GLB1: variants seen among roughly 807,000 people sequenced by gnomAD.
The protein encoded by GLB1 is beta-galactosidase.
Under a neutral mutation model 74.0 loss-of-function variants are expected in GLB1, and 56 were observed. That is an observed-to-expected ratio of 0.76 (90% CI 0.61 to 0.94). The LOEUF is 0.94. Ranked by LOEUF, GLB1 falls within the 40% of genes least tolerant of loss-of-function variation. The probability of loss-of-function intolerance (pLI) is 0.00; values close to 1 mark genes in which losing one functional copy is unlikely to be tolerated. For missense variants in GLB1, 787 were observed against 845.5 expected (o/e 0.93, Z 0.86); for synonymous variants, 323 against 323.6 (o/e 1.00, Z 0.02).
At chr3:32,981,406 AAAAAAAAAAAG>A in the GLB1 span, among the ~76,000 whole-genome samples, 2 of 147,836 alleles carry the variant, frequency 1.4e-5, no homozygotes, top group Non-Finnish European at 3.0e-5. Flanking sequence ...TCTCAAAAAA[AAAAAAAAAAAG>A]AAAAAGAAAA....
intron 1 of GLB1, among the ~76,000 whole-genome samples, chr3:33,074,381 G>GAAAGAAAGAAAGAAAGAAAGA (rs1559412918): frequency 0.012 from 111 of 9,482 alleles, 13 homozygotes; most frequent in Non-Finnish European, 0.019. Context: ...AGGAAGGAAG[G>GAAAGAAAGAAAGAAAGAAAGA]AAGGAAGGAA....
intron 15 of GLB1, among the ~76,000 whole-genome samples, chr3:33,003,249 C>A (rs1188671134): frequency 6.6e-6 from 1 of 152,192 alleles, no homozygotes; most frequent in Non-Finnish European, 1.5e-5. Flanking sequence ...AATAAAAATT[C>A]TTTTTCCTTC....
At chr3:33,007,150 T>C (rs1696822298) in intron 15 of GLB1, among the ~76,000 whole-genome samples, 1 of 152,218 alleles carries the variant, frequency 6.6e-6, no homozygotes, top group Admixed American at 6.5e-5. Context: ...AGGATGTGTG[T>C]GTACCCTTGG....
At chr3:33,011,556 A>G (rs912369580) in intron 15 of GLB1, among the ~76,000 whole-genome samples, 1 of 150,594 alleles carries the variant, frequency 6.6e-6, no homozygotes, top group Non-Finnish European at 1.5e-5. Context: ...GAGGCAGGAG[A>G]ATTGCTTGAG....
At chr3:33,083,005 C>A (rs916657414) in intron 1 of GLB1, among the ~76,000 whole-genome samples, 3 of 152,094 alleles carry the variant, frequency 2.0e-5, no homozygotes, top group Admixed American at 6.6e-5. Context: ...TTCATGGACC[C>A]AAGATGACCC....
chr3:33,034,200 C>G, intron 10 of GLB1: 1 of 637,520 alleles, frequency 1.6e-6, no homozygotes, highest in South Asian at 1.7e-5. Context: ...TGCTAGGTCC[C>G]CCATGACTAC....
intron 7 of GLB1, 121 bp downstream of exon 7, chr3:33,053,370 A>T (rs1699078346): frequency 7.1e-7 from 1 of 1,404,894 alleles, no homozygotes; most frequent in Admixed American, 1.8e-5. Context: ...CTATGACTCC[A>T]CAATCCCATT....
chr3:33,086,067 G>A (rs944090910), intron 1 of GLB1, among the ~76,000 whole-genome samples: 5 of 152,044 alleles, frequency 3.3e-5, no homozygotes, highest in African/African-American at 7.2e-5. Flanking sequence ...AACAGAGCAA[G>A]ACTAAGACTC....
In GLB1 at chr3:33,046,027, G is replaced by A. The variant is rs545894351; in HGVS notation, c.1068+93C>T. On this transcript the variant is annotated intron_variant, in intron 10 of 15. Coordinates refer to ENST00000307363, the MANE Select transcript of GLB1 (RefSeq NM_000404.4). The stretch of plus-strand genomic sequence containing the variant: ...CTTCATCCATCCTTTTAAACAGGAG[G>A]GCTCCAGGCAGGAAGTTGTCCACAG... The A allele has an allele frequency of 1.1e-4, 155 of 1,460,254 alleles. 1 individual carries two copies. In the African/African-American group the frequency reaches 2.0e-3, roughly 19 times the overall value. 90.5% of individuals were successfully genotyped at this position (1,460,254 alleles called of 1,614,324 possible).
chr3:33,045,310 A>G, intron 10 of GLB1: 5 of 950,732 alleles, frequency 5.3e-6, no homozygotes, highest in Non-Finnish European at 6.3e-6. Context: ...AAGAAAACAA[A>G]CATTTATTGA....
At chr3:33,077,643 T>C (rs1483684633) in intron 1 of GLB1, among the ~76,000 whole-genome samples, 2 of 152,146 alleles carry the variant, frequency 1.3e-5, no homozygotes, top group Non-Finnish European at 2.9e-5. Context: ...CATTCCTTTA[T>C]TGTACATAAA....
intron 10 of GLB1, among the ~76,000 whole-genome samples, chr3:33,025,777 G>A (rs1697719199): frequency 2.0e-5 from 3 of 152,166 alleles, no homozygotes; most frequent in Admixed American, 1.3e-4. Context: ...CAGTAGTGGC[G>A]GCGGAGAGGA....
Position 32,998,626 on chromosome 3 carries a change from A to G in GLB1, c.1735-1282T>C, listed in dbSNP as rs186289293. Among the ~76,000 whole-genome samples, 21 of 152,266 alleles carry G rather than the reference A, an allele frequency of 1.4e-4. No individual in the cohort carries two copies. The East Asian group carries it at 4.0e-3, about 29-fold the overall frequency. On this transcript the variant is annotated intron_variant, in intron 15 of 15. Coordinates refer to ENST00000307363, the MANE Select transcript of GLB1 (RefSeq NM_000404.4). The stretch of plus-strand genomic sequence containing the variant: ...AAGTGAAGATGGGGAGATCACATAC[A>G]CGCAAAAGAAAGAGAAAATCTGGGA...
chr3:33,091,887 A>G (rs1700778722), intron 1 of GLB1: 5 of 985,302 alleles, frequency 5.1e-6, no homozygotes, highest in Non-Finnish European at 6.0e-6. Flanking sequence ...GGATCAAAGG[A>G]TCTATTGCTT....
At chr3:33,017,552 G>C (rs985100843) in intron 13 of GLB1, among the ~76,000 whole-genome samples, 1 of 152,138 alleles carries the variant, frequency 6.6e-6, no homozygotes, top group Non-Finnish European at 1.5e-5. Flanking sequence ...AAAATCTTCT[G>C]AACAAATTTT....
At chr3:33,080,081 G>C (rs1700269583) in intron 1 of GLB1, among the ~76,000 whole-genome samples, 1 of 150,448 alleles carries the variant, frequency 6.6e-6, no homozygotes, top group Non-Finnish European at 1.5e-5. Flanking sequence ...ACTGTGCCCA[G>C]CCTGAAAACT....
chr3:33,082,532 G>T (rs1328928995), intron 1 of GLB1, among the ~76,000 whole-genome samples: 1 of 152,154 alleles, frequency 6.6e-6, no homozygotes, highest in Non-Finnish European at 1.5e-5. Flanking sequence ...AGAAAAAACA[G>T]ATCACAGTAC....
chr3:33,052,114 A>G (rs2125523432), intron 7 of GLB1, 110 bp from the exon 8 acceptor site: 1 of 1,585,010 alleles, frequency 6.3e-7, no homozygotes, highest in African/African-American at 1.3e-5. Flanking sequence ...TGACATGCTG[A>G]CATGCACTGC....
intron 1 of GLB1, chr3:33,091,690 A>G: frequency 1.0e-6 from 1 of 985,240 alleles, no homozygotes; most frequent in Non-Finnish European, 1.2e-6. Flanking sequence ...TGAGTGAGGG[A>G]AAGTCACCCA....
Sources: gnomAD v4.1 joint callset for allele counts (sites outside exome capture counted in the v4.1 genomes callset) on GRCh38, gnomAD v4.1.1 for gene constraint, MANE v1.5 for transcripts, NCBI Gene and HGNC (gene_info 2026-07-23, HGNC 2026-07-21) for gene names.